RGSL1: variants seen among roughly 807,000 people sequenced by gnomAD.
RGSL1 encodes regulator of G protein signaling like 1.
Under a neutral mutation model 124.7 loss-of-function variants are expected in RGSL1, and 97 were observed. The observed-to-expected ratio is 0.78, with a 90% CI of 0.66 to 0.92. The LOEUF (loss-of-function observed/expected upper bound fraction) is 0.92, where lower values mean the gene tolerates loss of function less well. RGSL1 is among the 40% of genes least tolerant of loss of function. The probability of loss-of-function intolerance (pLI) is 0.00; values close to 1 mark genes in which losing one functional copy is unlikely to be tolerated. For missense variants in RGSL1, 1,233 were observed against 1,288.4 expected (o/e 0.96, Z 0.66); for synonymous variants, 424 against 438.1 (o/e 0.97, Z 0.40).
intron 14 of RGSL1, 101 bp from the exon 15 acceptor site, chr1:182,540,146 G>C: frequency 8.4e-7 from 1 of 1,194,854 alleles, no homozygotes; most frequent in South Asian, 1.8e-5. Context: ...AGGCCAAAAG[G>C]ATGGATCCAC....
upstream of RGSL1, chr1:182,450,103 T>C: frequency 6.5e-7 from 1 of 1,543,922 alleles, no homozygotes. Flanking sequence ...ATGGATATAG[T>C]TCTATTGACT....
intron 14 of RGSL1, among the ~76,000 whole-genome samples, chr1:182,533,475 T>C (rs1177441343): frequency 6.6e-6 from 1 of 152,174 alleles, no homozygotes; most frequent in African/African-American, 2.4e-5. Context: ...GGCAAGCAGT[T>C]TGCCAGGTGA....
chr1:182,517,628 T>C (rs1657999237), intron 9 of RGSL1, among the ~76,000 whole-genome samples: 2 of 152,186 alleles, frequency 1.3e-5, no homozygotes, highest in South Asian at 4.1e-4. Context: ...AGCTCACTGG[T>C]TCTTTCCTCT....
chr1:182,548,871 C>G (rs1161268680), intron 17 of RGSL1, 47 bp downstream of exon 17: 26 of 1,544,092 alleles, frequency 1.7e-5, no homozygotes, highest in Non-Finnish European at 2.3e-5. Flanking sequence ...GGAAAACACA[C>G]TTAGTTTGGA....
At chr1:182,529,705 ATTAT>A (rs1174683525) in intron 11 of RGSL1, among the ~76,000 whole-genome samples, 2 of 152,302 alleles carry the variant, frequency 1.3e-5, no homozygotes, top group East Asian at 3.9e-4. Context: ...ATTTGTAAGC[ATTAT>A]TTATTTGTTG....
upstream of RGSL1, among the ~76,000 whole-genome samples, chr1:182,449,879 C>T (rs1259989291): frequency 1.3e-5 from 2 of 152,116 alleles, no homozygotes; most frequent in Non-Finnish European, 2.9e-5. Flanking sequence ...TTGGAGCAGA[C>T]AAGAGATCTT....
chr1:182,497,407 G>C (rs781172060), intron 9 of RGSL1, among the ~76,000 whole-genome samples: 9 of 149,212 alleles, frequency 6.0e-5, no homozygotes, highest in African/African-American at 2.0e-4. Context: ...TCAGGAGACA[G>C]ATATATTATA....
chr1:182,509,310 AG>A lies in RGSL1; in HGVS notation c.1826-12689del, dbSNP rs1252222176. Among the ~76,000 whole-genome samples, 2 of 20,898 alleles carry A rather than the reference AG, an allele frequency of 9.6e-5. 1 individual carries two copies. The highest frequency in any genetic ancestry group is 8.5e-4 in the Admixed American group (2 of 2,366). The allele number at this position is 20,898 out of a possible 152,430, so 13.7% of individuals were successfully genotyped here. On this transcript the variant is annotated intron_variant, in intron 9 of 21. Transcript: ENST00000294854. ...TCCCGGACGGGGCGGCTGGCCGGGC[AG>A]GGGGCTGACCCCCCACCTCCCTCCC... is the stretch of plus-strand genomic sequence containing the variant.
At position 182,454,180 on chromosome 1, in the gene RGSL1, A is replaced by G. The variant is rs1380648692; in HGVS notation, c.96+140A>G. 4 of 620,412 alleles carry G rather than the reference A, an allele frequency of 6.4e-6. No individual in the cohort carries two copies. The African/African-American group carries it at 7.4e-5, about 11-fold the overall frequency. 38.4% of individuals were successfully genotyped at this position (620,412 alleles called of 1,614,324 possible). On this transcript the variant is annotated intron_variant, in intron 2 of 21. Coordinates refer to ENST00000294854, the MANE Select transcript of RGSL1 (RefSeq NM_001137669.2). Reference sequence around the variant, plus strand: ...CTTCTTAAATAAAAAAACTCTTTTAATTTGAGCAAATAAACATGAACCAGA... The same window carrying G: ...CTTCTTAAATAAAAAAACTCTTTTAGTTTGAGCAAATAAACATGAACCAGA...
Position 182,472,340 on chromosome 1 carries a change from C to T in RGSL1, c.302-56C>T, listed in dbSNP as rs529854913. 79 of 1,470,642 alleles carry T rather than the reference C, an allele frequency of 5.4e-5. 1 individual carries two copies. The South Asian group carries it at 1.0e-3, about 19-fold the overall frequency. The allele number at this position is 1,470,642 out of a possible 1,614,324, so 91.1% of individuals were successfully genotyped here. On this transcript the variant is annotated intron_variant, in intron 4 of 21. Transcript: ENST00000294854. ...TGTCAGTTGATTCACCCAGATGCAACCACCAAAGGGGCAAAACTAGGGTAT... is the reference window on the plus strand; with the variant it reads ...TGTCAGTTGATTCACCCAGATGCAATCACCAAAGGGGCAAAACTAGGGTAT...
At chr1:182,551,758 A>G (rs962027780) in intron 18 of RGSL1, among the ~76,000 whole-genome samples, 7 of 152,242 alleles carry the variant, frequency 4.6e-5, no homozygotes, top group South Asian at 2.1e-4. Flanking sequence ...ATACACACAC[A>G]TACAGCCATG....
At chr1:182,500,576 G>A (rs539757392) in intron 9 of RGSL1, among the ~76,000 whole-genome samples, 92 of 152,178 alleles carry the variant, frequency 6.0e-4, no homozygotes, top group Non-Finnish European at 1.1e-3. Flanking sequence ...AGATTGTACT[G>A]AATCTATAGA....
At chr1:182,506,983 C>CTTTTTTTT (rs71127304) in intron 9 of RGSL1, among the ~76,000 whole-genome samples, 7 of 99,406 alleles carry the variant, frequency 7.0e-5, no homozygotes, top group Admixed American at 2.4e-4. Context: ...GCTCACCTTT[C>CTTTTTTTT]TTTTTTTTTT....
At chr1:182,512,003 T>A (rs1393458831) in intron 9 of RGSL1, among the ~76,000 whole-genome samples, 1 of 152,192 alleles carries the variant, frequency 6.6e-6, no homozygotes, top group Non-Finnish European at 1.5e-5. Flanking sequence ...GTAGCTATTA[T>A]AAATGGGATT....
chr1:182,477,397 G>A (rs1654377877), intron 6 of RGSL1, among the ~76,000 whole-genome samples: 1 of 152,196 alleles, frequency 6.6e-6, no homozygotes, highest in Non-Finnish European at 1.5e-5. Context: ...CACGGAAGCA[G>A]CCCTGTGACC....
At chr1:182,501,550 C>T (rs931953143) in intron 9 of RGSL1, among the ~76,000 whole-genome samples, 7 of 151,926 alleles carry the variant, frequency 4.6e-5, no homozygotes, top group Non-Finnish European at 8.8e-5. Flanking sequence ...AACTCCTGAC[C>T]TCAAGTGGTC....
intron 4 of RGSL1, among the ~76,000 whole-genome samples, chr1:182,470,132 G>A (rs73057370): frequency 0.011 from 1,644 of 152,110 alleles, 26 homozygotes; most frequent in African/African-American, 0.036. Context: ...CCACTAAACC[G>A]TACATTTAAA....
intron 21 of RGSL1, among the ~76,000 whole-genome samples, chr1:182,558,713 TG>T (rs1661003817): frequency 6.6e-6 from 1 of 152,226 alleles, no homozygotes; most frequent in African/African-American, 2.4e-5. Context: ...GGTCAAGTCC[TG>T]CCCGTTCTTT....
At chr1:182,471,551 A>G (rs1653843843) in intron 4 of RGSL1, among the ~76,000 whole-genome samples, 1 of 152,172 alleles carries the variant, frequency 6.6e-6, no homozygotes, top group South Asian at 2.1e-4. Flanking sequence ...GTGTAGGTTA[A>G]GGGAAAGGTA....
Sources: gnomAD v4.1 joint callset for allele counts (sites outside exome capture counted in the v4.1 genomes callset) on GRCh38, gnomAD v4.1.1 for gene constraint, MANE v1.5 for transcripts, NCBI Gene and HGNC (gene_info 2026-07-23, HGNC 2026-07-21) for gene names.